The following CEP83 variants were observed in gnomAD, a reference collection of about 807,000 sequenced individuals.
CEP83 encodes centrosomal protein of 83 kDa.
Under a neutral mutation model 101.9 loss-of-function variants are expected in CEP83, and 70 were observed. The observed-to-expected ratio is 0.69, with a 90% CI of 0.57 to 0.84. CEP83 has a LOEUF of 0.84. Ranked by LOEUF, CEP83 falls within the 40% of genes least tolerant of loss-of-function variation. The pLI, the probability that CEP83 is intolerant of heterozygous loss-of-function variation, is 0.00. For missense variants in CEP83, 715 were observed against 787.2 expected, an observed-to-expected ratio of 0.91 and a Z score of 1.10; for synonymous variants, 264 against 267.9, an observed-to-expected ratio of 0.99 and a Z score of 0.14.
chr12:94,440,266 T>A (rs1434099388), intron 1 of CEP83, among the ~76,000 whole-genome samples: 2 of 152,138 alleles, frequency 1.3e-5, no homozygotes, highest in East Asian at 3.9e-4. Flanking sequence ...GCTGATGATA[T>A]GATCATATAC....
chr12:94,303,177 C>A (rs547965173), downstream of CEP83, among the ~76,000 whole-genome samples: 1 of 152,294 alleles, frequency 6.6e-6, no homozygotes, highest in South Asian at 2.1e-4. Flanking sequence ...AGAACCTCTG[C>A]AAAATCACAC....
chr12:94,305,037 T>C (rs761649015), downstream of CEP83: 2 of 608,476 alleles, frequency 3.3e-6, no homozygotes, highest in Non-Finnish European at 5.9e-6. Flanking sequence ...CAAAACAACT[T>C]GCAAAGTGAG....
intron 2 of CEP83, among the ~76,000 whole-genome samples, chr12:94,431,264 C>G (rs960831148): frequency 3.3e-5 from 5 of 151,936 alleles, no homozygotes; most frequent in African/African-American, 7.3e-5. Context: ...AAATTGGATC[C>G]CTACCTCTCA....
At chr12:94,412,906 A>G (rs541634670) in intron 2 of CEP83, among the ~76,000 whole-genome samples, 1 of 149,712 alleles carries the variant, frequency 6.7e-6, no homozygotes, top group Admixed American at 6.7e-5. Context: ...AGGCTGGAGT[A>G]CAGTGGCGCT....
At chr12:94,439,524 A>G (rs146891998) in intron 1 of CEP83, among the ~76,000 whole-genome samples, 47 of 151,944 alleles carry the variant, frequency 3.1e-4, no homozygotes, top group African/African-American at 1.1e-3. Flanking sequence ...AAGTAGCAAG[A>G]TTGAAACAGT....
rs887112989 is a variant in CEP83 at position 94,369,816 on chromosome 12, A to G, written c.1048+106T>C. Reference sequence around the variant, plus strand: ...TGTACTCCAAAATTAAAACTAAATTAAGTTGAAAATTTGGAAATAAAAATT... The same window carrying G: ...TGTACTCCAAAATTAAAACTAAATTGAGTTGAAAATTTGGAAATAAAAATT... On this transcript the variant is annotated intron_variant, in intron 9 of 16. Coordinates refer to ENST00000397809, the MANE Select transcript of CEP83 (RefSeq NM_016122.3). 6 of 651,304 alleles carry G rather than the reference A, an allele frequency of 9.2e-6. No homozygotes were observed. In the African/African-American group the frequency reaches 1.1e-4, roughly 12 times the overall value. 40.3% of individuals were successfully genotyped at this position (651,304 alleles called of 1,614,324 possible). A position where few individuals can be genotyped will look rare whatever the true frequency, so the allele number is the denominator to read the frequency against.
chr12:94,281,589 T>C, the CEP83 span, among the ~76,000 whole-genome samples: 1 of 106,842 alleles, frequency 9.4e-6, no homozygotes, highest in Non-Finnish European at 1.9e-5. Flanking sequence ...TTAAAAACTT[T>C]TAAAAAAAAT....
intron 4 of CEP83, among the ~76,000 whole-genome samples, chr12:94,410,254 A>G (rs565121609): frequency 6.6e-6 from 1 of 152,242 alleles, no homozygotes; most frequent in Non-Finnish European, 1.5e-5. Flanking sequence ...TCAAATAAAC[A>G]TGTCATAATC....
At chr12:94,271,526 C>T in the CEP83 span, among the ~76,000 whole-genome samples, 15 of 152,180 alleles carry the variant, frequency 9.9e-5, no homozygotes, top group Non-Finnish European at 2.2e-4. Context: ...AGGCCGTGTG[C>T]AGAAGAGGTG....
At chr12:94,285,879 G>A in the CEP83 span, among the ~76,000 whole-genome samples, 1 of 152,152 alleles carries the variant, frequency 6.6e-6, no homozygotes. Context: ...GCTCAGCTGT[G>A]CCTCCCCTGC....
At chr12:94,403,416 A>G (rs1245289300) in intron 4 of CEP83, among the ~76,000 whole-genome samples, 154 bp from the exon 5 acceptor site, 1 of 152,220 alleles carries the variant, frequency 6.6e-6, no homozygotes, top group Non-Finnish European at 1.5e-5. Context: ...TAGAATCATC[A>G]TTTGAAATAA....
chr12:94,381,383 T>C (rs2061839889), intron 6 of CEP83, among the ~76,000 whole-genome samples: 3 of 152,226 alleles, frequency 2.0e-5, no homozygotes, highest in Admixed American at 2.0e-4. Context: ...CCTCTACATT[T>C]ACTCTATTCT....
chr12:94,336,651 C>T (rs1263878833), intron 11 of CEP83, among the ~76,000 whole-genome samples: 4 of 152,268 alleles, frequency 2.6e-5, no homozygotes, highest in Non-Finnish European at 4.4e-5. Context: ...CTTCCTGAGA[C>T]GTTTACATAC....
the CEP83 span, among the ~76,000 whole-genome samples, chr12:94,273,826 T>C: frequency 6.6e-6 from 1 of 151,902 alleles, no homozygotes; most frequent in Non-Finnish European, 1.5e-5. Context: ...TAAGAGAAAA[T>C]TGAACTAAGG....
chr12:94,298,506 C>G, the CEP83 span: 2 of 782,570 alleles, frequency 2.6e-6, no homozygotes, highest in Non-Finnish European at 4.0e-6. Flanking sequence ...ACATTTTTCT[C>G]TTCAGTTTGT....
At chr12:94,375,839 A>G (rs762460587) in intron 8 of CEP83, 47 bp downstream of exon 8, 33 of 1,060,930 alleles carry the variant, frequency 3.1e-5, no homozygotes, top group Non-Finnish European at 4.0e-5. Flanking sequence ...ATCATTATAT[A>G]CTAACAAACA....
intron 1 of CEP83, among the ~76,000 whole-genome samples, chr12:94,436,954 C>T (rs1215211414): frequency 2.0e-5 from 3 of 151,862 alleles, no homozygotes; most frequent in Non-Finnish European, 4.4e-5. Context: ...TAATTGCTGT[C>T]CCTAAGGAAG....
intron 11 of CEP83, among the ~76,000 whole-genome samples, chr12:94,353,408 A>G (rs774370507): frequency 2.6e-5 from 4 of 152,200 alleles, no homozygotes; most frequent in Non-Finnish European, 4.4e-5. Context: ...TGCTAGTATA[A>G]AACTCACTAG....
intron 14 of CEP83, among the ~76,000 whole-genome samples, chr12:94,321,293 C>A (rs558334702): frequency 7.9e-5 from 12 of 152,078 alleles, no homozygotes; most frequent in Non-Finnish European, 1.6e-4. Flanking sequence ...TTCTTAGATT[C>A]CTTGGATTGG....
Sources: gnomAD v4.1 joint callset for allele counts (sites outside exome capture counted in the v4.1 genomes callset) on GRCh38, gnomAD v4.1.1 for gene constraint, MANE v1.5 for transcripts, NCBI Gene and HGNC (gene_info 2026-07-23, HGNC 2026-07-21) for gene names.